The following ADGRL3 variants were observed in gnomAD, a reference collection of about 807,000 sequenced individuals.
ADGRL3 encodes adhesion G protein-coupled receptor L3, also known as calcium-independent alpha-latrotoxin receptor 3.
A neutral mutation model predicts 153.5 loss-of-function variants in ADGRL3; 62 were observed. The ratio of observed to expected loss-of-function variants is 0.40; its 90% CI spans 0.33 to 0.50. ADGRL3 has a LOEUF of 0.50. Among genes scored for constraint, ADGRL3 ranks in the 20% least tolerant of loss-of-function variants. The pLI is 0.47. For missense variants in ADGRL3, 1,641 were observed against 1,859.4 expected, an observed-to-expected ratio of 0.88 and a Z score of 2.16; for synonymous variants, 710 against 672.5, an observed-to-expected ratio of 1.06 and a Z score of -0.86.
At chr4:61,765,103 C>T (rs988779098) in intron 8 of ADGRL3, among the ~76,000 whole-genome samples, 8 of 152,042 alleles carry the variant, frequency 5.3e-5, no homozygotes, top group African/African-American at 1.9e-4. Context: ...GTATTTACTT[C>T]AAGAGTTAAG....
intron 1 of ADGRL3, among the ~76,000 whole-genome samples, chr4:61,287,381 A>G (rs1416891194): frequency 6.6e-6 from 1 of 151,952 alleles, no homozygotes; most frequent in Non-Finnish European, 1.5e-5. Flanking sequence ...TTTCCATTTT[A>G]ATGCACTTTA....
intron 1 of ADGRL3, among the ~76,000 whole-genome samples, chr4:61,235,073 G>A (rs561802717): frequency 2.0e-5 from 3 of 152,232 alleles, no homozygotes; most frequent in East Asian, 3.9e-4. Context: ...TGCACATGTA[G>A]ATAACAGTAT....
chr4:61,255,341 G>A (rs141796957), intron 1 of ADGRL3, among the ~76,000 whole-genome samples: 1 of 152,142 alleles, frequency 6.6e-6, no homozygotes, highest in East Asian at 1.9e-4. Flanking sequence ...ATAGTTTTGA[G>A]ATTCTTCTTA....
At chr4:61,686,019 T>C (rs1295669550) in intron 6 of ADGRL3, among the ~76,000 whole-genome samples, 2 of 130,840 alleles carry the variant, frequency 1.5e-5, no homozygotes, top group African/African-American at 5.1e-5. Context: ...ATTAGTTGGA[T>C]TGACAGAGTT....
intron 8 of ADGRL3, among the ~76,000 whole-genome samples, chr4:61,768,838 G>A (rs905332461): frequency 2.6e-5 from 4 of 151,912 alleles, no homozygotes; most frequent in Non-Finnish European, 4.4e-5. Flanking sequence ...AGCAGAGAAA[G>A]GGCTGGGACA....
At chr4:61,388,786 G>A (rs2096770073) in intron 2 of ADGRL3, among the ~76,000 whole-genome samples, 1 of 152,166 alleles carries the variant, frequency 6.6e-6, no homozygotes, top group South Asian at 2.1e-4. Flanking sequence ...ACCTAAGAGT[G>A]TGGGCCTTTC....
At chr4:61,885,482 T>C (rs1374349413) in intron 9 of ADGRL3, among the ~76,000 whole-genome samples, 1 of 152,214 alleles carries the variant, frequency 6.6e-6, no homozygotes, top group African/African-American at 2.4e-5. Flanking sequence ...TGATAATTAA[T>C]AGTGCCTTCT....
intron 1 of ADGRL3, among the ~76,000 whole-genome samples, chr4:61,294,835 C>G (rs1305694531): frequency 2.6e-5 from 4 of 151,324 alleles, no homozygotes; most frequent in African/African-American, 9.7e-5. Flanking sequence ...TTTAATATTG[C>G]TCTCTGGGAC....
intron 8 of ADGRL3, among the ~76,000 whole-genome samples, chr4:61,776,453 G>A (rs1021044215): frequency 1.3e-5 from 2 of 152,064 alleles, no homozygotes; most frequent in African/African-American, 4.8e-5. Context: ...TTGAATATCT[G>A]AAATAATCAC....
intron 8 of ADGRL3, among the ~76,000 whole-genome samples, chr4:61,741,616 CT>C (rs1416077593): frequency 6.6e-6 from 1 of 152,024 alleles, no homozygotes; most frequent in East Asian, 1.9e-4. Context: ...TTCTCTTACG[CT>C]TTTTTTTAAA....
chr4:61,720,742 G>T (rs550610449), intron 6 of ADGRL3, among the ~76,000 whole-genome samples: 2 of 152,266 alleles, frequency 1.3e-5, no homozygotes, highest in Admixed American at 6.5e-5. Flanking sequence ...TTGTAATATT[G>T]AAATCGTGAC....
intron 9 of ADGRL3, among the ~76,000 whole-genome samples, chr4:61,836,725 T>A (rs1202787121): frequency 6.6e-6 from 1 of 152,146 alleles, no homozygotes; most frequent in Non-Finnish European, 1.5e-5. Flanking sequence ...GAAACAAATT[T>A]ACTTCTGTTG....
chr4:61,541,346 ATTTTTTTT>A (rs3075146), intron 4 of ADGRL3, among the ~76,000 whole-genome samples: 21 of 103,334 alleles, frequency 2.0e-4, no homozygotes, highest in Admixed American at 8.8e-4. Flanking sequence ...TCTGGTAGAG[ATTTTTTTT>A]TTTTTTTTTT....
chr4:61,701,877 T>C (rs887948332), intron 6 of ADGRL3, among the ~76,000 whole-genome samples: 2 of 152,048 alleles, frequency 1.3e-5, no homozygotes, highest in Non-Finnish European at 2.9e-5. Context: ...AAGAAAAGTC[T>C]TGAGTTGTTA....
intron 8 of ADGRL3, among the ~76,000 whole-genome samples, chr4:61,774,288 C>A (rs564932172): frequency 6.8e-6 from 1 of 147,650 alleles, no homozygotes; most frequent in African/African-American, 2.5e-5. Context: ...ACCTGGGAGG[C>A]GGAGGTTGCA....
At chr4:62,041,643 A>G (rs1728349969) in intron 24 of ADGRL3, among the ~76,000 whole-genome samples, 1 of 152,014 alleles carries the variant, frequency 6.6e-6, no homozygotes. Context: ...AACTTATTCT[A>G]ATCATTTCTC....
intron 17 of ADGRL3, among the ~76,000 whole-genome samples, chr4:61,958,065 T>G (rs949300860): frequency 3.3e-5 from 5 of 152,188 alleles, no homozygotes; most frequent in Non-Finnish European, 7.4e-5. Flanking sequence ...GTTAACTTTC[T>G]TTTCACATAT....
At chr4:61,590,784 G>C (rs1057495528) in intron 5 of ADGRL3, among the ~76,000 whole-genome samples, 5 of 152,138 alleles carry the variant, frequency 3.3e-5, no homozygotes, top group African/African-American at 1.2e-4. Context: ...GCTGCTTCTT[G>C]AAAGATGGCA....
At chr4:61,228,834 G>A (rs557240181) in intron 1 of ADGRL3, among the ~76,000 whole-genome samples, 1 of 152,196 alleles carries the variant, frequency 6.6e-6, no homozygotes, top group Admixed American at 6.5e-5. Context: ...TGGGATTACA[G>A]GAACCTGCCA....
Sources: gnomAD v4.1 joint callset for allele counts (sites outside exome capture counted in the v4.1 genomes callset) on GRCh38, gnomAD v4.1.1 for gene constraint, MANE v1.5 for transcripts, NCBI Gene and HGNC (gene_info 2026-07-23, HGNC 2026-07-21) for gene names.